Variants in EEA1 observed in about 807,000 individuals in gnomAD.
EEA1 encodes early endosome antigen 1.
Under a neutral mutation model 209.2 loss-of-function variants are expected in EEA1, and 111 were observed. The ratio of observed to expected loss-of-function variants is 0.53; its 90% confidence interval spans 0.45 to 0.62. The LOEUF (loss-of-function observed/expected upper bound fraction) is 0.62, where lower values mean the gene tolerates loss of function less well. EEA1 is among the 20% of genes least tolerant of loss of function. EEA1 has a pLI of 0.00. For missense variants in EEA1, 1,343 were observed against 1,530.8 expected (o/e 0.88, Z 2.05); for synonymous variants, 536 against 540.6 (o/e 0.99, Z 0.12).
intron 2 of EEA1, among the ~76,000 whole-genome samples, chr12:92,876,492 G>A (rs1267374254): frequency 1.3e-5 from 2 of 152,070 alleles, no homozygotes; most frequent in African/African-American, 2.4e-5. Context: ...ATCCCACCAC[G>A]TGAGGACACA....
chr12:92,802,265 C>A, intron 19 of EEA1, 139 bp downstream of exon 19: 1 of 762,094 alleles, frequency 1.3e-6, no homozygotes, highest in South Asian at 2.4e-5. Context: ...TTAAGCAATC[C>A]CAATTAATTT....
rs1429667964 is a variant in EEA1, at chr12:92,827,786, T to C, written c.1404+126A>G. ...ATGTAGTTAATAAGCAAGATGTTGC[T>C]ATTGGAGAGCAATAAATTTGCACTT... On this transcript the variant is annotated intron_variant, in intron 12 of 28. Coordinates refer to ENST00000322349, the MANE Select transcript of EEA1 (RefSeq NM_003566.4). 5.2e-6 allele frequency: 5 copies of C among 963,292 alleles called. No individual in the cohort carries two copies. The African/African-American group carries it at 8.5e-5, about 16-fold the overall frequency. The allele number at this position is 963,292 out of a possible 1,614,324, so 59.7% of individuals were successfully genotyped here. A position where few individuals can be genotyped will look rare whatever the true frequency, so the allele number is the denominator to read the frequency against.
chr12:92,804,648 T>C (rs2136669136), intron 18 of EEA1, among the ~76,000 whole-genome samples: 1 of 151,348 alleles, frequency 6.6e-6, no homozygotes, highest in South Asian at 2.1e-4. Flanking sequence ...GTAAACATAC[T>C]TATAACCTAC....
intron 2 of EEA1, among the ~76,000 whole-genome samples, chr12:92,876,189 T>G (rs1388282346): frequency 1.3e-5 from 2 of 151,824 alleles, no homozygotes; most frequent in African/African-American, 4.8e-5. Context: ...CCTCCCACCT[T>G]AGCCTCCCGA....
At chr12:92,785,962 A>G (rs1205025434) in intron 22 of EEA1, among the ~76,000 whole-genome samples, 1 of 152,234 alleles carries the variant, frequency 6.6e-6, no homozygotes, top group Non-Finnish European at 1.5e-5. Flanking sequence ...AAGAATATCA[A>G]TCAAATCAAT....
chr12:92,811,708 A>G (rs1875521689), intron 16 of EEA1, among the ~76,000 whole-genome samples: 1 of 152,102 alleles, frequency 6.6e-6, no homozygotes, highest in African/African-American at 2.4e-5. Flanking sequence ...TAGGAGCCAA[A>G]TATTAGCCAG....
intron 20 of EEA1, 132 bp from the exon 21 acceptor site, chr12:92,799,218 A>C (rs1255936572): frequency 7.4e-6 from 5 of 676,760 alleles, no homozygotes; most frequent in Non-Finnish European, 1.1e-5. Flanking sequence ...TAACTACTAC[A>C]CTCCAGGCAC....
chr12:92,825,320 G>C (rs190298015), intron 13 of EEA1, among the ~76,000 whole-genome samples: 1 of 151,924 alleles, frequency 6.6e-6, no homozygotes, highest in African/African-American at 2.4e-5. Flanking sequence ...GCACGGTGGC[G>C]GACGCCTGTA....
At chr12:92,921,181 G>T (rs977057816) in intron 1 of EEA1, among the ~76,000 whole-genome samples, 6 of 148,016 alleles carry the variant, frequency 4.1e-5, no homozygotes, top group African/African-American at 1.2e-4. Context: ...CATTGTGGAA[G>T]TCAGTGTGGC....
intron 1 of EEA1, among the ~76,000 whole-genome samples, chr12:92,928,625 G>A (rs985815633): frequency 1.3e-5 from 2 of 152,132 alleles, no homozygotes; most frequent in Non-Finnish European, 2.9e-5. Flanking sequence ...CGGCGGGTGG[G>A]GAAAGGCGAA....
rs1051165384 is a variant in EEA1, at chr12:92,843,989, T to C, written c.799-1408A>G. On this transcript the variant is annotated intron_variant, in intron 9 of 28. Transcript: ENST00000322349. Reference sequence around the variant, plus strand: ...TTTTTTAAGGGATTCTCAGTGGTGGTGTATCCTCATCCATTTTATGGTGGC... The same window carrying C: ...TTTTTTAAGGGATTCTCAGTGGTGGCGTATCCTCATCCATTTTATGGTGGC... 5.3e-5 allele frequency among the ~76,000 whole-genome samples: 8 copies of C among 152,162 alleles called. No individual in the cohort carries two copies. In the East Asian group the frequency reaches 1.3e-3, roughly 26 times the overall value.
At chr12:92,829,590 G>A (rs4760498) in intron 11 of EEA1, among the ~76,000 whole-genome samples, 93,542 of 151,432 alleles carry the variant, frequency 0.62, 29,625 homozygotes, top group East Asian at 0.94. Context: ...ACCAGCCTGG[G>A]CAACATGGTG....
At chr12:92,798,837 T>C in intron 21 of EEA1, 55 bp downstream of exon 21, 1 of 1,370,698 alleles carries the variant, frequency 7.3e-7, no homozygotes. Context: ...CATCATACTA[T>C]TTTCTTAATT....
intron 2 of EEA1, among the ~76,000 whole-genome samples, chr12:92,888,279 T>C (rs1441550676): frequency 2.6e-5 from 4 of 152,174 alleles, no homozygotes; most frequent in Non-Finnish European, 4.4e-5. Context: ...TAAATGATGT[T>C]CTATAAAACG....
rs71069185 is a variant in EEA1, at chr12:92,869,752, C to CAAAAAAA, written c.118-4772_118-4766dup. Among the ~76,000 whole-genome samples, 7 of 26,792 alleles carry CAAAAAAA rather than the reference C, an allele frequency of 2.6e-4. 2 individuals carry two copies. Among genetic ancestry groups the CAAAAAAA allele is most frequent in the Non-Finnish European group, 4.2e-4 (6 of 14,190 alleles). The allele number at this position is 26,792 out of a possible 152,430, so 17.6% of individuals were successfully genotyped here. ...TGGGTGACACAGTGAGATTCTGCCT[C>CAAAAAAA]AAAAAAAAAAAAAAAAAAAAAAAAA... On this transcript the variant is annotated intron_variant, in intron 2 of 28. Transcript: ENST00000322349.
At chr12:92,854,555 T>G (rs1003934544) in intron 5 of EEA1, among the ~76,000 whole-genome samples, 1 of 152,218 alleles carries the variant, frequency 6.6e-6, no homozygotes, top group Non-Finnish European at 1.5e-5. Flanking sequence ...GACTTCAAAA[T>G]ACATATTAAC....
At chr12:92,780,022 A>T (rs1368879656) in intron 24 of EEA1, among the ~76,000 whole-genome samples, 1 of 152,120 alleles carries the variant, frequency 6.6e-6, no homozygotes, top group Non-Finnish European at 1.5e-5. Context: ...TCTCTTGATT[A>T]TCATTTCAAT....
chr12:92,807,729 T>C (rs1015367777), intron 18 of EEA1, among the ~76,000 whole-genome samples: 7 of 152,092 alleles, frequency 4.6e-5, no homozygotes, highest in African/African-American at 1.2e-4. Flanking sequence ...ATGTACAAGA[T>C]GTCTATGTTA....
In EEA1 at chr12:92,929,089, G is replaced by A. The variant is rs1211677473; in HGVS notation, c.-23C>T. 1.9e-6 allele frequency: 3 copies of A among 1,585,118 alleles called. No homozygotes were observed. The highest frequency in any genetic ancestry group is 2.4e-5 in the East Asian group (1 of 41,748). On this transcript the variant is annotated 5_prime_UTR_variant, in exon 1 of 29. Transcript: ENST00000322349. Reference sequence around the variant, plus strand: ...CATGGTTTAACCACCACCCGGCGCCGCCGCGGTGACTCTCCAGACCCTGCG... The same window carrying A: ...CATGGTTTAACCACCACCCGGCGCCACCGCGGTGACTCTCCAGACCCTGCG...
Sources: gnomAD v4.1 joint callset for allele counts (sites outside exome capture counted in the v4.1 genomes callset) on GRCh38, gnomAD v4.1.1 for gene constraint, MANE v1.5 for transcripts, NCBI Gene and HGNC (gene_info 2026-07-23, HGNC 2026-07-21) for gene names.